The following TBC1D19 variants were observed in gnomAD, a reference collection of about 807,000 sequenced individuals.
TBC1D19 encodes TBC1 domain family member 19.
TBC1D19 carries 60 observed loss-of-function variants against 89.0 expected under a neutral mutation model. The ratio of observed to expected loss-of-function variants is 0.67; its 90% confidence interval spans 0.55 to 0.84. The LOEUF is 0.84. Ranked by LOEUF, TBC1D19 falls within the 40% of genes least tolerant of loss-of-function variation. TBC1D19 has a pLI of 0.00. For synonymous variants in TBC1D19, 189 were observed against 199.7 expected (o/e 0.95, Z 0.45); for missense variants, 500 against 610.8 (o/e 0.82, Z 1.91).
chr4:26,752,216 C>G (rs1719003919), intron 19 of TBC1D19, among the ~76,000 whole-genome samples: 2 of 148,854 alleles, frequency 1.3e-5, no homozygotes, highest in Non-Finnish European at 3.0e-5. Flanking sequence ...AGGAACCAGT[C>G]TTCCAAATAA....
intron 7 of TBC1D19, among the ~76,000 whole-genome samples, chr4:26,658,070 G>A (rs1020756435): frequency 1.1e-4 from 16 of 152,064 alleles, no homozygotes; most frequent in Non-Finnish European, 1.5e-5. Context: ...CTTTTGCTGT[G>A]CAGAAGCTCT....
chr4:26,832,074 G>A, the TBC1D19 span, among the ~76,000 whole-genome samples: 1 of 152,174 alleles, frequency 6.6e-6, no homozygotes, highest in Non-Finnish European at 1.5e-5. Context: ...TCCACATGCT[G>A]GGCAAGCTGT....
At chr4:26,740,405 T>C in intron 17 of TBC1D19, among the ~76,000 whole-genome samples, 1 of 152,224 alleles carries the variant, frequency 6.6e-6, no homozygotes, top group Non-Finnish European at 1.5e-5. Context: ...GTTGTTGTTA[T>C]AATTATAATC....
At chr4:26,683,629 T>C (rs773082769) in intron 11 of TBC1D19, 46 bp from the exon 12 acceptor site, 4 of 1,491,000 alleles carry the variant, frequency 2.7e-6, no homozygotes, top group Non-Finnish European at 3.7e-6. Context: ...GCTGACTTTA[T>C]AAATGTGATT....
chr4:26,851,533 C>T, the TBC1D19 span, among the ~76,000 whole-genome samples: 3 of 152,142 alleles, frequency 2.0e-5, no homozygotes, highest in Non-Finnish European at 4.4e-5. Flanking sequence ...CTCCTTAACA[C>T]CTCAAACTTC....
intron 7 of TBC1D19, among the ~76,000 whole-genome samples, chr4:26,648,158 C>A (rs1177935415): frequency 6.6e-6 from 1 of 152,074 alleles, no homozygotes; most frequent in Non-Finnish European, 1.5e-5. Flanking sequence ...ACACTTCTGA[C>A]AGAGCTCTCA....
intron 15 of TBC1D19, among the ~76,000 whole-genome samples, chr4:26,722,398 CAT>C (rs966968709): frequency 6.6e-6 from 1 of 152,118 alleles, no homozygotes; most frequent in Non-Finnish European, 1.5e-5. Flanking sequence ...ACTTAACACA[CAT>C]GTCTAACAAA....
chr4:26,645,226 G>A (rs1019106975), intron 7 of TBC1D19, among the ~76,000 whole-genome samples: 10 of 152,116 alleles, frequency 6.6e-5, no homozygotes, highest in Non-Finnish European at 1.0e-4. Context: ...AACAAAGCTG[G>A]AGGCATCACG....
At chr4:26,721,918 A>T (rs1482925565) in intron 15 of TBC1D19, among the ~76,000 whole-genome samples, 1 of 152,170 alleles carries the variant, frequency 6.6e-6, no homozygotes, top group Non-Finnish European at 1.5e-5. Context: ...CATCAAGCTC[A>T]GTTTAGGCAT....
At chr4:26,777,065 A>T in the TBC1D19 span, among the ~76,000 whole-genome samples, 1 of 150,406 alleles carries the variant, frequency 6.6e-6, no homozygotes, top group Non-Finnish European at 1.5e-5. Context: ...TTTTGGTGTT[A>T]TTCTACAGGA....
chr4:26,690,242 G>T (rs1162736708), intron 13 of TBC1D19, among the ~76,000 whole-genome samples: 1 of 152,152 alleles, frequency 6.6e-6, no homozygotes, highest in Admixed American at 6.5e-5. Flanking sequence ...GCTAGCAAAG[G>T]TTGGTTTATG....
chr4:26,804,803 A>G, the TBC1D19 span, among the ~76,000 whole-genome samples: 5 of 152,268 alleles, frequency 3.3e-5, no homozygotes, highest in African/African-American at 1.2e-4. Context: ...GACACAGTCC[A>G]GAAGGCAAGA....
At chr4:26,616,994 C>G (rs1741739197) in intron 3 of TBC1D19, among the ~76,000 whole-genome samples, 1 of 152,122 alleles carries the variant, frequency 6.6e-6, no homozygotes, top group Non-Finnish European at 1.5e-5. Flanking sequence ...TTATGATCAC[C>G]ATTTTACAGA....
At chr4:26,751,754 A>T (rs1687233555) in intron 19 of TBC1D19, among the ~76,000 whole-genome samples, 1 of 152,154 alleles carries the variant, frequency 6.6e-6, no homozygotes, top group Non-Finnish European at 1.5e-5. Flanking sequence ...CTTCCCAGTT[A>T]CTGGTTGCAC....
chr4:26,583,026 T>C (rs1368348252), upstream of TBC1D19, among the ~76,000 whole-genome samples: 2 of 152,220 alleles, frequency 1.3e-5, no homozygotes, highest in Non-Finnish European at 2.9e-5. Context: ...AGAATCTACA[T>C]TTGATTGAAT....
intron 7 of TBC1D19, 67 bp from the exon 8 acceptor site, chr4:26,659,529 CT>C: frequency 1.0e-6 from 1 of 976,596 alleles, no homozygotes. Flanking sequence ...AAGAATATCC[CT>C]GCTAATTTTA....
At chr4:26,800,394 C>T in the TBC1D19 span, among the ~76,000 whole-genome samples, 4 of 152,182 alleles carry the variant, frequency 2.6e-5, no homozygotes, top group Non-Finnish European at 5.9e-5. Context: ...TTTTCTTAAT[C>T]CAGTCTATCG....
chr4:26,837,601 T>A, the TBC1D19 span, among the ~76,000 whole-genome samples: 3 of 152,344 alleles, frequency 2.0e-5, no homozygotes, highest in Admixed American at 6.5e-5. Flanking sequence ...AATTCCAATC[T>A]CTTAGCTCTT....
intron 13 of TBC1D19, among the ~76,000 whole-genome samples, chr4:26,697,116 C>T (rs1337178244): frequency 6.6e-6 from 1 of 151,802 alleles, no homozygotes; most frequent in Non-Finnish European, 1.5e-5. Context: ...ACTAGCAAGA[C>T]TAATAAAGAA....
Sources: gnomAD v4.1 joint callset for allele counts (sites outside exome capture counted in the v4.1 genomes callset) on GRCh38, gnomAD v4.1.1 for gene constraint, MANE v1.5 for transcripts, NCBI Gene and HGNC (gene_info 2026-07-23, HGNC 2026-07-21) for gene names.